The following EXTL3 variants were observed in gnomAD, a reference collection of about 807,000 sequenced individuals.
EXTL3 encodes the protein exostosin-like 3.
In EXTL3, 27 loss-of-function variants were observed where a neutral mutation model predicts 69.3. The ratio of observed to expected loss-of-function variants is 0.39; its 90% CI spans 0.29 to 0.54. The LOEUF is 0.54. Among genes scored for constraint, EXTL3 ranks in the 20% least tolerant of loss-of-function variants. The pLI is 0.69. For synonymous variants in EXTL3, 511 were observed against 499.4 expected, an observed-to-expected ratio of 1.02 and a Z score of -0.31; for missense variants, 1,003 against 1,231.8, an observed-to-expected ratio of 0.81 and a Z score of 2.78.
chr8:28,749,040 AG>A (rs1346730474), intron 6 of EXTL3, among the ~76,000 whole-genome samples: 2 of 152,246 alleles, frequency 1.3e-5, no homozygotes, highest in Non-Finnish European at 1.5e-5. Flanking sequence ...TACTCTCAGC[AG>A]AGGAAGTTCC....
chr8:28,633,243 C>T (rs111333514), intron 1 of EXTL3, among the ~76,000 whole-genome samples: 5,586 of 152,056 alleles, frequency 0.037, 124 homozygotes, highest in Middle Eastern at 0.054. Context: ...GAGGCTGAGG[C>T]GGGAGGATCA....
At chr8:28,624,075 C>T (rs1322227379) in intron 1 of EXTL3, among the ~76,000 whole-genome samples, 1 of 152,150 alleles carries the variant, frequency 6.6e-6, no homozygotes, top group East Asian at 1.9e-4. Context: ...TTGTTCTCAC[C>T]TTACCTATCC....
In EXTL3 at chr8:28,716,293, C is replaced by T. The variant is rs200105783; in HGVS notation, c.234C>T (p.His78=). The T allele has an allele frequency of 2.5e-4, 400 of 1,614,206 alleles. 3 individuals carry two copies. The highest frequency in any genetic ancestry group is 2.0e-3 in the Middle Eastern group (12 of 6,062). ...RVGNELCEVK[H]VLDLCRIRES... ...GGAACGAGCTGTGCGAGGTGAAGCA[C>T]GTGCTGGATCTGTGCCGCATCCGGG... The change falls in exon 3 of 7, where the codon CAC becomes CAT. Residue 78 remains histidine (H), a synonymous_variant. Transcript: ENST00000220562. This position sits in a 1 kb window ranked among gnomAD's most constrained non-coding sequence, Gnocchi z 7.1.
intron 1 of EXTL3, among the ~76,000 whole-genome samples, chr8:28,669,916 A>G (rs1365643454): frequency 6.6e-6 from 1 of 152,048 alleles, no homozygotes; most frequent in Non-Finnish European, 1.5e-5. Context: ...TGTCCTTTAA[A>G]GGGACTTTGA....
rs776253989 is a variant in EXTL3 at position 28,750,812 on chromosome 8, G to A, written c.2706G>A (p.Val902=). Reference sequence around the variant, plus strand: ...ACACGCAGTTCAGGGTGGATTCTGTGCTCTTCAAGACACGCCTGCCCCATG... The same window carrying A: ...ACACGCAGTTCAGGGTGGATTCTGTACTCTTCAAGACACGCCTGCCCCATG... ...LLYTQFRVDS[V]LFKTRLPHDK... The change falls in exon 7 of 7, where the codon GTG becomes GTA. Residue 902 remains valine, a synonymous_variant. Coordinates refer to ENST00000220562, the MANE Select transcript of EXTL3 (RefSeq NM_001440.4). This position sits in a 1 kb window ranked among gnomAD's most constrained non-coding sequence, Gnocchi z 5.2. 6.2e-7 allele frequency: 1 copy of A among 1,614,208 alleles called. No homozygotes were observed. The highest frequency in any genetic ancestry group is 8.5e-7 in the Non-Finnish European group (1 of 1,180,042).
intron 1 of EXTL3, among the ~76,000 whole-genome samples, chr8:28,652,222 A>T (rs1482443678): frequency 6.6e-6 from 1 of 152,004 alleles, no homozygotes; most frequent in Admixed American, 6.6e-5. Context: ...AAGTTGCTGG[A>T]TCATATGGTA....
At position 28,623,578 on chromosome 8, in the gene EXTL3, A is replaced by T. The variant is rs1463493551; in HGVS notation, c.-53+768A>T. 6.6e-6 allele frequency among the ~76,000 whole-genome samples: 1 copy of T among 152,210 alleles called. No homozygotes were observed. The highest frequency in any genetic ancestry group is 1.5e-5 in the Non-Finnish European group (1 of 68,036). On this transcript the variant is annotated intron_variant, in intron 1 of 6. Coordinates refer to the EXTL3 transcript ENST00000523149. The surrounding 1 kb of genome is among the most constrained non-coding windows in gnomAD (Gnocchi z 4.2). ...AAGCATGTCCTGTCCTGAAGGCTCC[A>T]TGCTGAAAGTCTAGACCCCATCTTT...
At position 28,712,015 on chromosome 8, in the gene EXTL3, T is replaced by G. The variant is rs1219753518; in HGVS notation, c.-569-1442T>G. 3.3e-5 allele frequency among the ~76,000 whole-genome samples: 5 copies of G among 152,140 alleles called. No homozygotes were observed. The East Asian group carries it at 9.6e-4, about 29-fold the overall frequency. ...ACAAAGGGTTCCTCCCCTCGAGGAT[T>G]AGGCTTTGGTGGGGAAGGGAGGGAA... On this transcript the variant is annotated intron_variant, in intron 1 of 6. Coordinates refer to ENST00000220562, the MANE Select transcript of EXTL3 (RefSeq NM_001440.4).
intron 1 of EXTL3, among the ~76,000 whole-genome samples, chr8:28,639,531 A>G (rs2130579821): frequency 6.6e-6 from 1 of 152,270 alleles, no homozygotes; most frequent in Admixed American, 6.5e-5. Context: ...ACGTTTTCTG[A>G]AAGGTGCTGC....
In EXTL3 at chr8:28,737,467, A is replaced by G. The variant is rs1034464117; in HGVS notation, c.2277-52A>G. On this transcript the variant is annotated intron_variant, in intron 4 of 6. Coordinates refer to ENST00000220562, the MANE Select transcript of EXTL3 (RefSeq NM_001440.4). ...GAGGCAATAACTGTGAACACTTCTG[A>G]TGACCCTAGAGCTCTGTATTCAGGT... 2.5e-6 allele frequency: 4 copies of G among 1,608,338 alleles called. No individual in the cohort carries two copies. In the African/African-American group the frequency reaches 5.3e-5, roughly 21 times the overall value.
chr8:28,660,838 C>CTTTTTTTTTTTTTTGTT (rs1807098008), intron 1 of EXTL3, among the ~76,000 whole-genome samples: 1 of 46,968 alleles, frequency 2.1e-5, no homozygotes, highest in Non-Finnish European at 3.4e-5. Flanking sequence ...CGATTTTTGG[C>CTTTTTTTTTTTTTTGTT]TTTTTTTTTT....
At position 28,753,012 on chromosome 8, in the gene EXTL3, G is replaced by C. The variant is rs549908914; in HGVS notation, c.*2146G>C. ...TAGTGGAGCCAGGTTGTCGGGCCCC[G>C]AATGTCACTGGTGGATCTAAGAAGG... On this transcript the variant is annotated 3_prime_UTR_variant, in exon 7 of 7. Coordinates refer to ENST00000220562, the MANE Select transcript of EXTL3 (RefSeq NM_001440.4). 6.6e-6 allele frequency: 1 copy of C among 152,540 alleles called. No homozygotes were observed. The highest frequency in any genetic ancestry group is 2.1e-4 in the South Asian group (1 of 4,828). 9.4% of individuals were successfully genotyped at this position (152,540 alleles called of 1,614,324 possible).
At chr8:28,740,101 A>G (rs901307878) in intron 5 of EXTL3, 3 of 152,200 alleles carry the variant, frequency 2.0e-5, no homozygotes, top group African/African-American at 4.8e-5. Flanking sequence ...GTGTTGTCCT[A>G]TGCACTGACA....
chr8:28,613,859 T>C (rs988800430), intron 2 of EXTL3, among the ~76,000 whole-genome samples: 13 of 151,898 alleles, frequency 8.6e-5, no homozygotes, highest in Non-Finnish European at 1.5e-4. Context: ...TTTTTTTTTT[T>C]AGAGACAGGG....
chr8:28,685,352 C>T (rs944327571), intron 1 of EXTL3, among the ~76,000 whole-genome samples: 3 of 152,148 alleles, frequency 2.0e-5, no homozygotes, highest in East Asian at 1.9e-4. Context: ...TAATCTTGAA[C>T]GTTTCTTCAG....
At chr8:28,637,285 C>T (rs541233448) in intron 1 of EXTL3, 2 of 152,320 alleles carry the variant, frequency 1.3e-5, no homozygotes, top group Admixed American at 1.3e-4. Flanking sequence ...TTCTCTCTCT[C>T]CTGTTCTCCG....
At position 28,750,743 on chromosome 8, in the gene EXTL3, C is replaced by T; in HGVS notation, c.2637C>T (p.Cys879=). Reference sequence around the variant, plus strand: ...CCCACTTCCACGAGCGGCACAAGTGCATCAACTTCTTCGTGAAGGTGTACG... The same window carrying T: ...CCCACTTCCACGAGCGGCACAAGTGTATCAACTTCTTCGTGAAGGTGTACG... The part of the protein sequence containing the change: ...DDSHFHERHK[C]INFFVKVYGY... The change falls in exon 7 of 7, where the codon TGC becomes TGT. Residue 879 remains cysteine (C), a synonymous_variant. Transcript: ENST00000220562. This position sits in a 1 kb window ranked among gnomAD's most constrained non-coding sequence, Gnocchi z 5.2. 1 of 1,614,174 alleles carries T rather than the reference C, an allele frequency of 6.2e-7. No individual in the cohort carries two copies. Among genetic ancestry groups the T allele is most frequent in the Non-Finnish European group, 8.5e-7 (1 of 1,180,006 alleles).
At chr8:28,670,785 G>A (rs1189408843) in intron 1 of EXTL3, among the ~76,000 whole-genome samples, 4 of 152,126 alleles carry the variant, frequency 2.6e-5, no homozygotes, top group South Asian at 4.2e-4. Flanking sequence ...CCTGAATAAC[G>A]TCTGACCCAA....
chr8:28,659,816 T>G (rs1226114403), intron 1 of EXTL3, among the ~76,000 whole-genome samples: 1 of 152,198 alleles, frequency 6.6e-6, no homozygotes, highest in African/African-American at 2.4e-5. Context: ...TATATCCTGG[T>G]AGTGAAAATG....
Sources: allele counts gnomAD v4.1 joint callset (sites outside exome capture counted in the v4.1 genomes callset), GRCh38; gene constraint gnomAD v4.1.1; non-coding constraint Gnocchi (gnomAD v3.1); transcripts MANE v1.5; gene names NCBI Gene and HGNC (gene_info 2026-07-23, HGNC 2026-07-21).